The following TENM2 variants were observed in gnomAD, a reference collection of about 807,000 sequenced individuals.
The protein encoded by TENM2 is teneurin-2.
TENM2 carries 52 observed loss-of-function variants against 245.2 expected under a neutral mutation model. The ratio of observed to expected loss-of-function variants is 0.21; its 90% confidence interval spans 0.17 to 0.27. The LOEUF (loss-of-function observed/expected upper bound fraction) is 0.27, where lower values mean the gene tolerates loss of function less well. Ranked by LOEUF, TENM2 falls within the 10% of genes least tolerant of loss-of-function variation. The probability of loss-of-function intolerance (pLI) is 1.00; values close to 1 mark genes in which losing one functional copy is unlikely to be tolerated. For synonymous variants in TENM2, 1,363 were observed against 1,438.9 expected (o/e 0.95, Z 1.19); for missense variants, 3,046 against 3,666.8 (o/e 0.83, Z 4.37).
the TENM2 span, among the ~76,000 whole-genome samples, chr5:167,098,929 C>A: frequency 1.3e-5 from 2 of 152,204 alleles, no homozygotes; most frequent in East Asian, 1.9e-4. Flanking sequence ...CCCACACCAA[C>A]CTGAGGAATC....
chr5:168,001,154 C>T (rs73375658), intron 5 of TENM2, among the ~76,000 whole-genome samples: 22,251 of 152,166 alleles, frequency 0.15, 1,771 homozygotes, highest in East Asian at 0.26. Flanking sequence ...CACTGTTCCC[C>T]TATGTAAGGG....
chr5:167,414,910 T>C (rs1249497989), intron 2 of TENM2, among the ~76,000 whole-genome samples: 1 of 152,124 alleles, frequency 6.6e-6, no homozygotes. Context: ...ATTTTCATAA[T>C]TTGCTTGGGA....
chr5:167,232,375 CT>C, the TENM2 span, among the ~76,000 whole-genome samples: 5 of 140,968 alleles, frequency 3.5e-5, no homozygotes, highest in Middle Eastern at 3.5e-3. Flanking sequence ...TCTTTTCTTT[CT>C]TTTTTTTTTT....
chr5:167,221,203 A>G, the TENM2 span, among the ~76,000 whole-genome samples: 549 of 152,246 alleles, frequency 3.6e-3, 4 homozygotes, highest in African/African-American at 0.013. Flanking sequence ...TTGGGGGCTT[A>G]TAGTCTAGTC....
chr5:168,037,401 C>T (rs143839365), intron 5 of TENM2, among the ~76,000 whole-genome samples: 10 of 152,210 alleles, frequency 6.6e-5, no homozygotes, highest in African/African-American at 2.4e-4. Flanking sequence ...TCTATATTGA[C>T]CACAATGGCG....
At chr5:167,926,291 T>C (rs928331380) in intron 3 of TENM2, among the ~76,000 whole-genome samples, 2 of 152,134 alleles carry the variant, frequency 1.3e-5, no homozygotes, top group African/African-American at 4.8e-5. Flanking sequence ...TCTCTGTTGT[T>C]TTGCATATAT....
chr5:167,853,491 C>T (rs1770798457), intron 2 of TENM2, among the ~76,000 whole-genome samples: 1 of 151,854 alleles, frequency 6.6e-6, no homozygotes. Flanking sequence ...TTAATCGAGG[C>T]TCAGTTTGAG....
chr5:167,347,918 A>G (rs1347301576), intron 1 of TENM2, among the ~76,000 whole-genome samples: 2 of 152,188 alleles, frequency 1.3e-5, no homozygotes, highest in Non-Finnish European at 2.9e-5. Flanking sequence ...GCAGATGGAA[A>G]CACAGAGCAT....
At chr5:168,011,342 A>G (rs1785207267) in intron 5 of TENM2, among the ~76,000 whole-genome samples, 1 of 152,076 alleles carries the variant, frequency 6.6e-6, no homozygotes, top group South Asian at 2.1e-4. Flanking sequence ...GAGAACATTT[A>G]TTTGGCAGTG....
intron 2 of TENM2, among the ~76,000 whole-genome samples, chr5:167,845,273 AC>A (rs1333323175): frequency 1.5e-4 from 16 of 105,238 alleles, no homozygotes; most frequent in Non-Finnish European, 2.6e-4. Flanking sequence ...ACACACACAC[AC>A]ACACACAACA....
rs556117568 is a variant in TENM2, at chr5:167,526,809, T to G, written c.502+151336T>G. ...ATTTGGAACCTTTGTATTTCTTGAA[T>G]GAAATCTCATTCAGTGTCTGTGGAA... is the stretch of plus-strand genomic sequence containing the variant. On this transcript the variant is annotated intron_variant, in intron 2 of 28. Coordinates refer to ENST00000518659, the Ensembl canonical transcript of TENM2. Among the ~76,000 whole-genome samples, 3 of 152,228 alleles carry G rather than the reference T, an allele frequency of 2.0e-5. No homozygotes were observed. In the South Asian group the frequency reaches 6.2e-4, roughly 32 times the overall value.
At chr5:167,804,236 T>C (rs952343800) in intron 2 of TENM2, among the ~76,000 whole-genome samples, 12 of 152,052 alleles carry the variant, frequency 7.9e-5, no homozygotes, top group African/African-American at 2.4e-4. Flanking sequence ...GTATTTAAAT[T>C]TATTTTTTCT....
chr5:167,030,896 G>A, the TENM2 span, among the ~76,000 whole-genome samples: 1 of 152,150 alleles, frequency 6.6e-6, no homozygotes, highest in East Asian at 1.9e-4. Context: ...GCTGATGGTG[G>A]GTATTATAAC....
chr5:167,671,992 C>T (rs1286190140), intron 2 of TENM2, among the ~76,000 whole-genome samples: 1 of 151,954 alleles, frequency 6.6e-6, no homozygotes, highest in African/African-American at 2.4e-5. Context: ...ACTTAATCCT[C>T]ACAACAAACC....
intron 2 of TENM2, among the ~76,000 whole-genome samples, chr5:167,550,275 C>T (rs888977): frequency 0.21 from 31,922 of 152,040 alleles, 3,564 homozygotes; most frequent in Admixed American, 0.27. Context: ...TCTGCTGGTT[C>T]GCTGTACTAC....
chr5:168,243,922 A>G (rs75216562), intron 25 of TENM2, among the ~76,000 whole-genome samples: 2,735 of 127,816 alleles, frequency 0.021, 93 homozygotes, highest in African/African-American at 0.076. Context: ...AAATACTACC[A>G]TTTTCTTTTC....
chr5:167,577,208 A>C (rs993487857), intron 2 of TENM2, among the ~76,000 whole-genome samples: 6 of 152,232 alleles, frequency 3.9e-5, no homozygotes, highest in African/African-American at 1.2e-4. Flanking sequence ...ATGATCAATT[A>C]ACTGATTTCA....
chr5:168,247,311 C>A lies in TENM2; in HGVS notation c.6372C>A (p.Gly2124=), dbSNP rs1229500195. 2 of 1,613,988 alleles carry A rather than the reference C, an allele frequency of 1.2e-6. No individual in the cohort carries two copies. Among genetic ancestry groups the A allele is most frequent in the Non-Finnish European group, 1.7e-6 (2 of 1,179,896 alleles). ...TCTACCGCTATGATGAGATTTCTGG[C>A]AAGGTGGAACACTTTGGTAAGTTTG... Residue 2124 remains glycine, a synonymous_variant, in exon 27 of 29, where the codon GGC becomes GGA. Transcript: ENST00000518659. This position sits in a 1 kb window ranked among gnomAD's most constrained non-coding sequence, Gnocchi z 7.8.
At chr5:167,297,667 T>A (rs1755026965) in intron 1 of TENM2, 1 of 152,204 alleles carries the variant, frequency 6.6e-6, no homozygotes, top group Non-Finnish European at 1.5e-5. Context: ...CCAAACAGGC[T>A]TTGTGTGAGT....
Sources: allele counts gnomAD v4.1 joint callset (sites outside exome capture counted in the v4.1 genomes callset), GRCh38; gene constraint gnomAD v4.1.1; non-coding constraint Gnocchi (gnomAD v3.1); transcripts MANE v1.5; gene names NCBI Gene and HGNC (gene_info 2026-07-23, HGNC 2026-07-21).